The following TSHZ2 variants were observed in gnomAD, a reference collection of about 807,000 sequenced individuals.
TSHZ2 encodes teashirt homolog 2.
In TSHZ2, 21 loss-of-function variants were observed where a neutral mutation model predicts 74.4. The ratio of observed to expected loss-of-function variants is 0.28; its 90% CI spans 0.20 to 0.41. TSHZ2 has a LOEUF of 0.41. TSHZ2 is among the 10% of genes least tolerant of loss of function. TSHZ2 has a pLI of 1.00. For synonymous variants in TSHZ2, 540 were observed against 515.3 expected (o/e 1.05, Z -0.65); for missense variants, 1,244 against 1,293.5 (o/e 0.96, Z 0.59).
intron 2 of TSHZ2, among the ~76,000 whole-genome samples, chr20:53,324,710 C>T (rs529023281): frequency 6.6e-6 from 1 of 152,306 alleles, no homozygotes; most frequent in Admixed American, 6.5e-5. Flanking sequence ...CCTTGCTGAC[C>T]TCAGGAAGAG....
chr20:53,389,824 A>G (rs1483663722), intron 2 of TSHZ2, among the ~76,000 whole-genome samples: 1 of 152,212 alleles, frequency 6.6e-6, no homozygotes, highest in Non-Finnish European at 1.5e-5. Context: ...AAGCTGCTAA[A>G]TATCTTACAA....
At chr20:52,974,263 C>T (rs1213120533) in intron 1 of TSHZ2, among the ~76,000 whole-genome samples, 1 of 151,958 alleles carries the variant, frequency 6.6e-6, no homozygotes. Context: ...CACTTGATTG[C>T]TAGTTTTGAT....
chr20:53,105,803 T>G (rs1335157802), intron 1 of TSHZ2, among the ~76,000 whole-genome samples: 2 of 151,952 alleles, frequency 1.3e-5, no homozygotes, highest in Non-Finnish European at 2.9e-5. Context: ...CACCCCACCA[T>G]GCTCAGCTAA....
intron 1 of TSHZ2, among the ~76,000 whole-genome samples, chr20:53,062,611 G>A (rs945938384): frequency 6.6e-6 from 1 of 152,162 alleles, no homozygotes; most frequent in Non-Finnish European, 1.5e-5. Context: ...AAGAGAGTTA[G>A]GGCCTTGCTC....
chr20:53,153,805 G>A lies in TSHZ2; in HGVS notation c.41-99694G>A, dbSNP rs117566396. 5.1e-4 allele frequency among the ~76,000 whole-genome samples: 78 copies of A among 152,248 alleles called. No individual in the cohort carries two copies. In the East Asian group the frequency reaches 0.013, roughly 25 times the overall value. ...AAAACAGGGACCACTTATTTAGTCCGTGGTCCTGCAGGTCAATAATTTTGG... is the reference window on the plus strand; with the variant it reads ...AAAACAGGGACCACTTATTTAGTCCATGGTCCTGCAGGTCAATAATTTTGG... On this transcript the variant is annotated intron_variant, in intron 1 of 2. Coordinates refer to ENST00000371497, the MANE Select transcript of TSHZ2 (RefSeq NM_173485.6).
intron 1 of TSHZ2, among the ~76,000 whole-genome samples, chr20:53,029,573 A>G (rs1600654535): frequency 1.3e-5 from 2 of 152,152 alleles, no homozygotes. Flanking sequence ...CTACTTGGGA[A>G]GCTGAGGCAT....
intron 1 of TSHZ2, among the ~76,000 whole-genome samples, chr20:52,996,524 G>A (rs1007196514): frequency 1.8e-4 from 27 of 152,100 alleles, no homozygotes; most frequent in Admixed American, 6.6e-5. Flanking sequence ...TAAAAAGCCT[G>A]GAGGAATATG....
intron 2 of TSHZ2, among the ~76,000 whole-genome samples, chr20:53,285,880 T>C (rs1038415783): frequency 6.6e-6 from 1 of 152,230 alleles, no homozygotes; most frequent in Admixed American, 6.5e-5. Context: ...CACAGATGGA[T>C]TGAATATCTA....
chr20:53,435,724 A>G lies in TSHZ2; in HGVS notation c.*9-51420A>G, dbSNP rs1434802038. 2.6e-5 allele frequency among the ~76,000 whole-genome samples: 4 copies of G among 152,204 alleles called. No homozygotes were observed. The East Asian group carries it at 7.7e-4, about 29-fold the overall frequency. The stretch of plus-strand genomic sequence containing the variant: ...GAGACGTGGATTCACCATATTGGTC[A>G]GGCTGGTGTCGAACTCCTGACCATG... On this transcript the variant is annotated intron_variant, in intron 2 of 2. Transcript: ENST00000371497.
intron 1 of TSHZ2, among the ~76,000 whole-genome samples, chr20:53,170,398 T>C (rs1361804306): frequency 6.6e-6 from 1 of 152,270 alleles, no homozygotes; most frequent in Non-Finnish European, 1.5e-5. Context: ...AGCAAGCGTA[T>C]GCCAAAATCT....
intron 1 of TSHZ2, among the ~76,000 whole-genome samples, chr20:53,166,164 A>G (rs554068161): frequency 6.6e-6 from 1 of 152,224 alleles, no homozygotes; most frequent in South Asian, 2.1e-4. Flanking sequence ...AGATTTCCCC[A>G]TCCTTGGTTT....
At chr20:53,369,436 G>A (rs1254038726) in intron 2 of TSHZ2, among the ~76,000 whole-genome samples, 1 of 152,062 alleles carries the variant, frequency 6.6e-6, no homozygotes, top group Non-Finnish European at 1.5e-5. Context: ...GCCGAGCGCT[G>A]TGGCTCCCGC....
chr20:53,483,698 T>C (rs557451074), intron 2 of TSHZ2, among the ~76,000 whole-genome samples: 2 of 152,252 alleles, frequency 1.3e-5, no homozygotes, highest in African/African-American at 4.8e-5. Context: ...CACACTATGT[T>C]TGGTTTGATT....
chr20:53,306,813 C>T (rs1978565051), intron 2 of TSHZ2, among the ~76,000 whole-genome samples: 1 of 152,120 alleles, frequency 6.6e-6, no homozygotes, highest in Non-Finnish European at 1.5e-5. Context: ...GTGCCAGGCA[C>T]CTCATGAACT....
chr20:53,207,723 C>T (rs921895163), intron 1 of TSHZ2, among the ~76,000 whole-genome samples: 5 of 152,084 alleles, frequency 3.3e-5, no homozygotes, highest in African/African-American at 1.2e-4. Flanking sequence ...CCTGCCCAGG[C>T]TGGAGTGCAG....
chr20:53,226,877 G>A (rs1470169517), intron 1 of TSHZ2, among the ~76,000 whole-genome samples: 2 of 152,022 alleles, frequency 1.3e-5, no homozygotes, highest in South Asian at 2.1e-4. Context: ...TAGATCCAGC[G>A]GTGTCTGAAA....
intron 2 of TSHZ2, among the ~76,000 whole-genome samples, chr20:53,333,319 G>A (rs1449489200): frequency 2.6e-5 from 4 of 152,166 alleles, no homozygotes; most frequent in Admixed American, 1.3e-4. Context: ...AGGCTAGATC[G>A]CAGATTGAAA....
In TSHZ2 at chr20:53,254,152, G is replaced by A; in HGVS notation, c.694G>A (p.Val232Met). 4 of 1,614,138 alleles carry A rather than the reference G, an allele frequency of 2.5e-6. No individual in the cohort carries two copies. Among genetic ancestry groups the A allele is most frequent in the Non-Finnish European group, 3.4e-6 (4 of 1,180,034 alleles). The change falls in exon 2 of 3, where the codon GTG becomes ATG. Residue 232 changes from valine (V) to methionine (M), a missense_variant. Around this residue, in one of 6 missense-constraint regions of TSHZ2, gnomAD observed 470 missense variants for 456.5 expected, o/e 1.03. Coordinates refer to ENST00000371497, the MANE Select transcript of TSHZ2 (RefSeq NM_173485.6). ...CTATGACACCCTAGTCGAGCTGACTGTGCACATGAATGAAACGGGCCACTA... is the reference window on the plus strand; with the variant it reads ...CTATGACACCCTAGTCGAGCTGACTATGCACATGAATGAAACGGGCCACTA... ...AAYDTLVELT[V>M]HMNETGHYQD...
At chr20:53,237,902 A>T (rs1414878896) in intron 1 of TSHZ2, among the ~76,000 whole-genome samples, 1 of 152,184 alleles carries the variant, frequency 6.6e-6, no homozygotes, top group Non-Finnish European at 1.5e-5. Flanking sequence ...AGACGGGTAC[A>T]GTCAAGTCAT....
Sources: gnomAD v4.1 joint callset for allele counts (sites outside exome capture counted in the v4.1 genomes callset) on GRCh38, gnomAD v4.1.1 for gene constraint, gnomAD v4.1.1 regional missense constraint, MANE v1.5 for transcripts, NCBI Gene and HGNC (gene_info 2026-07-23, HGNC 2026-07-21) for gene names.